The following PLCH1 variants were observed in gnomAD, a reference collection of about 807,000 sequenced individuals.
The protein encoded by PLCH1 is 1-phosphatidylinositol 4,5-bisphosphate phosphodiesterase eta-1.
PLCH1 carries 60 observed loss-of-function variants against 126.7 expected under a neutral mutation model. That is an observed-to-expected ratio of 0.47 (90% CI 0.38 to 0.59). PLCH1 has a LOEUF of 0.59. Among genes scored for constraint, PLCH1 ranks in the 20% least tolerant of loss-of-function variants. PLCH1 has a pLI of 0.00. For synonymous variants in PLCH1, 719 were observed against 734.9 expected, an observed-to-expected ratio of 0.98 and a Z score of 0.35; for missense variants, 1,723 against 2,040.0, an observed-to-expected ratio of 0.84 and a Z score of 2.99.
intron 8 of PLCH1, among the ~76,000 whole-genome samples, chr3:155,559,111 A>G (rs1259901640): frequency 6.6e-6 from 1 of 152,176 alleles, no homozygotes; most frequent in Admixed American, 6.5e-5. Flanking sequence ...ATGTCATTCA[A>G]TGCTTGCTCC....
chr3:155,506,522 T>A (rs1195700808), intron 12 of PLCH1, among the ~76,000 whole-genome samples: 1 of 89,040 alleles, frequency 1.1e-5, no homozygotes, highest in African/African-American at 4.5e-5. Context: ...CCCACCACAG[T>A]CCCCAGAGTG....
Position 155,607,828 on chromosome 3 carries a change from T to A in PLCH1, c.80-11450A>T, listed in dbSNP as rs192827531. Among the ~76,000 whole-genome samples, 6 of 152,160 alleles carry A rather than the reference T, an allele frequency of 3.9e-5. No individual in the cohort carries two copies. In the East Asian group the frequency reaches 9.7e-4, roughly 25 times the overall value. ...AGTCAGGACTAAGATGCAGCTACCA[T>A]TTGGATGGACAGGACAGAGTATGGA... On this transcript the variant is annotated intron_variant, in intron 2 of 22. Transcript: ENST00000460012.
intron 15 of PLCH1, among the ~76,000 whole-genome samples, chr3:155,496,281 C>T (rs1376187048): frequency 6.6e-6 from 1 of 152,068 alleles, no homozygotes; most frequent in Non-Finnish European, 1.5e-5. Flanking sequence ...AATTTTTATT[C>T]CCTAAACCAA....
At chr3:155,601,142 T>A (rs1196988318) in intron 2 of PLCH1, among the ~76,000 whole-genome samples, 3 of 151,870 alleles carry the variant, frequency 2.0e-5, no homozygotes, top group Admixed American at 6.6e-5. Flanking sequence ...GCCCGGCCAA[T>A]TTTTTTTGTA....
intron 4 of PLCH1, among the ~76,000 whole-genome samples, chr3:155,587,780 C>T (rs568679787): frequency 6.6e-6 from 1 of 152,298 alleles, no homozygotes; most frequent in South Asian, 2.1e-4. Flanking sequence ...AATGGTAACA[C>T]AGGAATTGAA....
intron 10 of PLCH1, among the ~76,000 whole-genome samples, chr3:155,537,872 T>C (rs1458957045): frequency 6.6e-6 from 1 of 152,242 alleles, no homozygotes; most frequent in East Asian, 1.9e-4. Context: ...AACAATGGAC[T>C]TAAACTATAC....
chr3:155,503,450 T>A (rs1165709236), intron 13 of PLCH1, among the ~76,000 whole-genome samples: 4 of 152,172 alleles, frequency 2.6e-5, no homozygotes, highest in Non-Finnish European at 2.9e-5. Flanking sequence ...TACACCACAA[T>A]TTTTACTCAT....
intron 2 of PLCH1, among the ~76,000 whole-genome samples, chr3:155,676,837 G>A (rs1256155994): frequency 6.7e-6 from 1 of 150,102 alleles, no homozygotes; most frequent in Non-Finnish European, 1.5e-5. Flanking sequence ...TATTTCTCAT[G>A]TTTAAAAAAA....
chr3:155,609,070 C>A (rs1734734885), intron 2 of PLCH1, among the ~76,000 whole-genome samples: 1 of 152,182 alleles, frequency 6.6e-6, no homozygotes, highest in East Asian at 1.9e-4. Flanking sequence ...AATTTCACTG[C>A]CACCAAAACC....
At chr3:155,608,441 G>A (rs1048890253) in intron 2 of PLCH1, among the ~76,000 whole-genome samples, 1 of 152,170 alleles carries the variant, frequency 6.6e-6, no homozygotes, top group African/African-American at 2.4e-5. Context: ...GAAGCCTGGG[G>A]CAAGGTCTGA....
chr3:155,504,869 G>T (rs1718425932), intron 12 of PLCH1, among the ~76,000 whole-genome samples: 1 of 152,200 alleles, frequency 6.6e-6, no homozygotes, highest in Admixed American at 6.5e-5. Flanking sequence ...GCAGCTGCCT[G>T]CACCTTCCCA....
rs777852116 is a variant in PLCH1, at chr3:155,481,101, C to T, written c.4925G>A (p.Arg1642Gln). 17 of 1,614,202 alleles carry T rather than the reference C, an allele frequency of 1.1e-5. No homozygotes were observed. The highest frequency in any genetic ancestry group is 1.6e-4 in the Middle Eastern group (1 of 6,062). The change falls in exon 23 of 23, where the codon CGG (arginine) becomes CAG (glutamine). Residue 1642 changes from arginine to glutamine, a missense_variant. This residue lies in a region of PLCH1 where 947 missense variants were observed against 977.1 expected (regional missense o/e 0.97). Coordinates refer to ENST00000460012, the MANE Select transcript of PLCH1 (RefSeq NM_014996.4). This position sits in a 1 kb window ranked among gnomAD's most constrained non-coding sequence, Gnocchi z 4.2. Reference protein sequence around the residue: ...KNTKGGGLEGRGIPEGACTAL... With the variant: ...KNTKGGGLEGQGIPEGACTAL... The stretch of plus-strand genomic sequence containing the variant: ...CGTGCATGCCCCCTCTGGGATGCCC[C>T]GGCCTTCAAGGCCACCCCCTTTCGT...
In PLCH1 at chr3:155,463,770, G is replaced by A. The variant is rs76113384; in HGVS notation, c.2938+21586C>T. 4.5e-3 allele frequency among the ~76,000 whole-genome samples: 691 copies of A among 152,186 alleles called. 4 individuals are homozygous for A. The highest frequency in any genetic ancestry group is 0.015 in the African/African-American group (622 of 41,522). Reference sequence around the variant, plus strand: ...GAAAAAAATGGACTGGATGGAAACCGAGAAATGAGAGAACCAAAGAGAAAT... The same window carrying A: ...GAAAAAAATGGACTGGATGGAAACCAAGAAATGAGAGAACCAAAGAGAAAT... On this transcript the variant is annotated intron_variant, in intron 21 of 21. Transcript: ENST00000494598.
Position 155,485,481 on chromosome 3 carries a change from C to T in PLCH1, c.2849G>A (p.Arg950Lys). ...TGCTTGCAAACTGCGTGTGGTCCTC[C>T]TCAGCACGCCATCTTGATCTCTTGT... ...EATRDQDGVLRRTTRSLQARP... is the reference protein window; with the variant it reads ...EATRDQDGVLKRTTRSLQARP... Residue 950 changes from arginine (R) to lysine (K), a missense_variant, in exon 22 of 23, where the codon AGG becomes AAG. Physicochemically the swap from Arg to Lys is conservative, Grantham distance 26. Around this residue, in one of 2 missense-constraint regions of PLCH1, gnomAD observed 947 missense variants for 977.1 expected, o/e 0.97. Coordinates refer to ENST00000460012, the MANE Select transcript of PLCH1 (RefSeq NM_014996.4). 1 of 1,614,118 alleles carries T rather than the reference C, an allele frequency of 6.2e-7. No individual in the cohort carries two copies. Among genetic ancestry groups the T allele is most frequent in the South Asian group, 1.1e-5 (1 of 91,076 alleles).
chr3:155,657,689 C>T (rs1191432653), intron 2 of PLCH1: 2 of 152,180 alleles, frequency 1.3e-5, no homozygotes, highest in South Asian at 2.1e-4. Flanking sequence ...ATTATTTACG[C>T]TTTAAACTTT....
In PLCH1 at chr3:155,513,347, T is replaced by G. The variant is rs960322711; in HGVS notation, c.1632+1376A>C. Among the ~76,000 whole-genome samples the G allele has an allele frequency of 4.6e-4, 70 of 152,234 alleles. 1 individual carries two copies. The highest frequency in any genetic ancestry group is 1.0e-4 in the Non-Finnish European group (7 of 68,026). On this transcript the variant is annotated intron_variant, in intron 12 of 22. Coordinates refer to ENST00000460012, the MANE Select transcript of PLCH1 (RefSeq NM_014996.4). Reference sequence around the variant, plus strand: ...TTGGTTCTCTTACCACTTTACCTGATGGAGAAATTGTCATTAGGATCTCTT... The same window carrying G: ...TTGGTTCTCTTACCACTTTACCTGAGGGAGAAATTGTCATTAGGATCTCTT...
intron 2 of PLCH1, among the ~76,000 whole-genome samples, chr3:155,662,648 C>G (rs1354213848): frequency 6.6e-6 from 1 of 151,830 alleles, no homozygotes; most frequent in African/African-American, 2.4e-5. Context: ...TATTGCCTTT[C>G]AGGTTTATGT....
At chr3:155,690,445 C>T (rs16825274) in intron 2 of PLCH1, among the ~76,000 whole-genome samples, 33,861 of 152,114 alleles carry the variant, frequency 0.22, 4,252 homozygotes, top group African/African-American at 0.35. Flanking sequence ...ATGGGTTTTG[C>T]TCAGAATCCC....
intron 10 of PLCH1, among the ~76,000 whole-genome samples, chr3:155,549,324 C>A (rs779221041): frequency 2.6e-5 from 4 of 152,136 alleles, no homozygotes; most frequent in African/African-American, 4.8e-5. Context: ...GAAGTGAGCT[C>A]TTCTCACTTG....
Sources: allele counts gnomAD v4.1 joint callset (sites outside exome capture counted in the v4.1 genomes callset), GRCh38; gene constraint gnomAD v4.1.1; regional missense constraint gnomAD v4.1.1; non-coding constraint Gnocchi (gnomAD v3.1); transcripts MANE v1.5; gene names NCBI Gene and HGNC (gene_info 2026-07-23, HGNC 2026-07-21).